The following TAFA2 variants were observed in gnomAD, a reference collection of about 807,000 sequenced individuals.
TAFA2 encodes TAFA chemokine like family member 2, also known as chemokine-like protein TAFA-2.
In TAFA2, 7 loss-of-function variants were observed where a neutral mutation model predicts 18.8. The ratio of observed to expected loss-of-function variants is 0.37; its 90% confidence interval spans 0.21 to 0.70. The LOEUF (loss-of-function observed/expected upper bound fraction) is 0.70, where lower values mean the gene tolerates loss of function less well. TAFA2 is among the 30% of genes least tolerant of loss of function. TAFA2 has a pLI of 0.53. For synonymous variants in TAFA2, 60 were observed against 54.2 expected (o/e 1.11, Z -0.47); for missense variants, 122 against 158.1 (o/e 0.77, Z 1.23).
intron 1 of TAFA2, among the ~76,000 whole-genome samples, chr12:62,140,841 A>G (rs2062234788): frequency 6.6e-6 from 1 of 152,208 alleles, no homozygotes; most frequent in Non-Finnish European, 1.5e-5. Context: ...CAAAGACTAT[A>G]GGCCTTGCTT....
At chr12:61,739,121 G>A (rs917180957) in intron 4 of TAFA2, among the ~76,000 whole-genome samples, 19 of 151,998 alleles carry the variant, frequency 1.3e-4, no homozygotes, top group Non-Finnish European at 2.6e-4. Flanking sequence ...TCCCAGATGT[G>A]GAAACTGAGG....
intron 1 of TAFA2, among the ~76,000 whole-genome samples, chr12:61,876,928 G>C (rs1467410882): frequency 6.6e-6 from 1 of 152,162 alleles, no homozygotes; most frequent in Admixed American, 6.5e-5. Context: ...CAGCGATGCT[G>C]GGACCCACAC....
At chr12:61,713,811 CAT>C (rs1405770027) in intron 4 of TAFA2, among the ~76,000 whole-genome samples, 1 of 152,048 alleles carries the variant, frequency 6.6e-6, no homozygotes, top group Non-Finnish European at 1.5e-5. Context: ...GGGGGGGAAA[CAT>C]ATTTTAAATG....
intron 1 of TAFA2, among the ~76,000 whole-genome samples, chr12:62,241,613 T>G (rs1565786726): frequency 6.6e-6 from 1 of 152,254 alleles, no homozygotes; most frequent in Non-Finnish European, 1.5e-5. Context: ...AGAGTTGTTT[T>G]CTGACATAGG....
At chr12:61,981,135 G>T (rs1475351836) in intron 1 of TAFA2, among the ~76,000 whole-genome samples, 1 of 152,022 alleles carries the variant, frequency 6.6e-6, no homozygotes, top group East Asian at 1.9e-4. Flanking sequence ...ACAGAACAGA[G>T]GCCTCAGAAA....
At chr12:61,811,029 C>T (rs1279110687) in intron 2 of TAFA2, among the ~76,000 whole-genome samples, 1 of 150,438 alleles carries the variant, frequency 6.6e-6, no homozygotes. Context: ...TTAATTAATA[C>T]ATGTAGACAA....
At chr12:62,077,160 G>T (rs1868254985) in intron 1 of TAFA2, among the ~76,000 whole-genome samples, 1 of 152,170 alleles carries the variant, frequency 6.6e-6, no homozygotes, top group Non-Finnish European at 1.5e-5. Context: ...GAGAATTATT[G>T]TTGGCTGACT....
intron 1 of TAFA2, among the ~76,000 whole-genome samples, chr12:62,177,969 C>T (rs1208110170): frequency 6.6e-6 from 1 of 152,094 alleles, no homozygotes; most frequent in Non-Finnish European, 1.5e-5. Context: ...ATATTCTCAC[C>T]AAAGCATCTT....
At chr12:62,120,778 G>A (rs1402651386) in intron 1 of TAFA2, among the ~76,000 whole-genome samples, 1 of 151,960 alleles carries the variant, frequency 6.6e-6, no homozygotes, top group East Asian at 1.9e-4. Flanking sequence ...AGTCTCTAGT[G>A]GGGTATCCCA....
intron 1 of TAFA2, among the ~76,000 whole-genome samples, chr12:62,176,477 C>T (rs143638645): frequency 1.7e-4 from 26 of 152,018 alleles, no homozygotes; most frequent in African/African-American, 5.8e-4. Context: ...TAAATGTAAT[C>T]GTACATTTTG....
intron 1 of TAFA2, among the ~76,000 whole-genome samples, chr12:62,054,247 CCTGT>C (rs1882129956): frequency 6.6e-6 from 1 of 152,162 alleles, no homozygotes; most frequent in Admixed American, 6.5e-5. Flanking sequence ...ATACAGAAAG[CCTGT>C]CTATGTGTGT....
chr12:61,895,450 C>A (rs913312399), intron 1 of TAFA2, among the ~76,000 whole-genome samples: 1 of 152,104 alleles, frequency 6.6e-6, no homozygotes, highest in Non-Finnish European at 1.5e-5. Flanking sequence ...AACAGTTCTC[C>A]CAAGTATTAA....
At chr12:62,026,689 T>C (rs1279638299) in intron 1 of TAFA2, among the ~76,000 whole-genome samples, 1 of 152,214 alleles carries the variant, frequency 6.6e-6, no homozygotes, top group Non-Finnish European at 1.5e-5. Context: ...ATTTGGTTTA[T>C]TCTTTGTATC....
intron 1 of TAFA2, among the ~76,000 whole-genome samples, chr12:62,205,195 G>T (rs1016554002): frequency 6.6e-6 from 1 of 152,194 alleles, no homozygotes; most frequent in Non-Finnish European, 1.5e-5. Flanking sequence ...ATGGCTGCCT[G>T]CTCCTTCCTC....
chr12:61,952,612 T>C (rs1878509251), intron 1 of TAFA2, among the ~76,000 whole-genome samples: 1 of 152,114 alleles, frequency 6.6e-6, no homozygotes, highest in African/African-American at 2.4e-5. Context: ...CACTCTACTA[T>C]TAACAGAAAA....
At position 62,233,677 on chromosome 12, in the gene TAFA2, T is replaced by C. The variant is rs76498666; in HGVS notation, c.-130+25086A>G. Among the ~76,000 whole-genome samples the C allele has an allele frequency of 8.6e-3, 1,304 of 152,334 alleles. 9 individuals are homozygous for C. The highest frequency in any genetic ancestry group is 0.014 in the Admixed American group (214 of 15,304). On this transcript the variant is annotated intron_variant, in intron 1 of 5. Coordinates refer to the TAFA2 transcript ENST00000551619. ...GATGGCCTGCTCCATGGAAGGGATC[T>C]GGTGCCCTGGTAGAAATGAAAGATT...
rs191677399 is a variant in TAFA2 at position 62,114,303 on chromosome 12, G to A, written c.-2+76956C>T. On this transcript the variant is annotated intron_variant, in intron 1 of 4. Coordinates refer to ENST00000416284, the MANE Select transcript of TAFA2 (RefSeq NM_178539.5). ...GTGATGCCCCACCCTGCTTTGGCTC[G>A]TCCTCCGTGGGCTGCACCCACTGTC... Among the ~76,000 whole-genome samples the A allele has an allele frequency of 1.6e-4, 25 of 152,216 alleles. No individual in the cohort carries two copies. In the East Asian group the frequency reaches 3.5e-3, roughly 21 times the overall value.
At chr12:62,199,046 A>C (rs116095803) in intron 1 of TAFA2, among the ~76,000 whole-genome samples, 12,849 of 152,186 alleles carry the variant, frequency 0.084, 672 homozygotes, top group Middle Eastern at 0.18. Flanking sequence ...TGGATTGGCA[A>C]TTTGTTTTTG....
intron 1 of TAFA2, among the ~76,000 whole-genome samples, chr12:62,207,600 T>C (rs538214849): frequency 1.3e-5 from 2 of 152,348 alleles, no homozygotes; most frequent in African/African-American, 4.8e-5. Context: ...TTCCATGAAC[T>C]TTTTAGCACT....
Sources: allele counts gnomAD v4.1 joint callset (sites outside exome capture counted in the v4.1 genomes callset), GRCh38; gene constraint gnomAD v4.1.1; transcripts MANE v1.5; gene names NCBI Gene and HGNC (gene_info 2026-07-23, HGNC 2026-07-21).